Variants in THADA observed in about 807,000 individuals in gnomAD.
THADA encodes THADA armadillo repeat containing.
Under a neutral mutation model 219.8 loss-of-function variants are expected in THADA, and 213 were observed. The ratio of observed to expected loss-of-function variants is 0.97; its 90% CI spans 0.87 to 1.09. THADA has a LOEUF of 1.09. Among genes scored for constraint, THADA ranks in the 50% least tolerant of loss-of-function variants. The pLI, the probability that THADA is intolerant of heterozygous loss-of-function variation, is 0.00. For missense variants in THADA, 2,956 were observed against 2,311.3 expected, an observed-to-expected ratio of 1.28 and a Z score of -5.72; for synonymous variants, 1,018 against 828.9, an observed-to-expected ratio of 1.23 and a Z score of -3.92.
intron 31 of THADA, among the ~76,000 whole-genome samples, chr2:43,311,150 T>C (rs578011443): frequency 6.7e-4 from 101 of 151,396 alleles, no homozygotes; most frequent in African/African-American, 2.4e-3. Flanking sequence ...CACTCCAGCT[T>C]GGGCAACAAG....
At chr2:43,383,117 T>C (rs970243624) in intron 29 of THADA, among the ~76,000 whole-genome samples, 4 of 152,112 alleles carry the variant, frequency 2.6e-5, no homozygotes, top group African/African-American at 9.7e-5. Context: ...GGGACTAAAA[T>C]GGCATTAAAT....
intron 22 of THADA, among the ~76,000 whole-genome samples, chr2:43,527,262 C>G (rs568244682): frequency 2.4e-4 from 37 of 152,280 alleles, no homozygotes; most frequent in African/African-American, 8.9e-4. Context: ...TTGCCATGAA[C>G]ACTTAGTCAT....
rs768666108 is a variant in THADA, at chr2:43,570,487, A to C, written c.2088T>G (p.Ser696Arg). The C allele has an allele frequency of 6.2e-7, 1 of 1,612,042 alleles. No homozygotes were observed. The highest frequency in any genetic ancestry group is 1.1e-5 in the South Asian group (1 of 90,442). Residue 696 changes from serine to arginine, a missense_variant, in exon 14 of 38, where the codon AGT becomes AGG. Coordinates refer to ENST00000405975, the MANE Select transcript of THADA (RefSeq NM_022065.5). ...LKKLFCRIQE[S>R]SQVLYKLEQS... ...GCTCCAATTTATAAAGTACCTGAGA[A>C]CTTTCCTGTATCCTACAAAACAACT...
chr2:43,433,211 GA>G (rs34247439), intron 26 of THADA, among the ~76,000 whole-genome samples: 2,845 of 147,354 alleles, frequency 0.019, 42 homozygotes, highest in African/African-American at 0.048. Context: ...ATTTTTTTTG[GA>G]AAAAAAAAAT....
At position 43,472,623 on chromosome 2, in the gene THADA, T is replaced by C. The variant is rs546839698; in HGVS notation, c.3836+12611A>G. Among the ~76,000 whole-genome samples, 5 of 152,328 alleles carry C rather than the reference T, an allele frequency of 3.3e-5. No homozygotes were observed. In the South Asian group the frequency reaches 1.0e-3, roughly 32 times the overall value. ...CCAGTGACAATGTGTTTTTAGTACA[T>C]ATAACTTCATTTCCAAATACAGCCA... On this transcript the variant is annotated intron_variant, in intron 26 of 37. Transcript: ENST00000405975.
At position 43,570,347 on chromosome 2, in the gene THADA, AT is replaced by A. The variant is rs748404879; in HGVS notation, c.2187+40del. ...TAATGCTTATTCATAATACTTTTTA[AT>A]TTAAAAAAAAACTCTCATGTTTAGA... is the stretch of plus-strand genomic sequence containing the variant. On this transcript the variant is annotated intron_variant, in intron 14 of 37. Transcript: ENST00000405975. The A allele has an allele frequency of 3.9e-6, 6 of 1,544,068 alleles. No individual in the cohort carries two copies. The African/African-American group carries it at 8.4e-5, about 22-fold the overall frequency.
At chr2:43,291,797 C>T in intron 33 of THADA, 29 bp from the exon 34 acceptor site, 1 of 1,519,766 alleles carries the variant, frequency 6.6e-7, no homozygotes, top group East Asian at 2.5e-5. Context: ...AAAAAAACAA[C>T]ACAAAATTAC....
At chr2:43,410,285 TCTA>T (rs1186868358) in intron 28 of THADA, among the ~76,000 whole-genome samples, 1 of 152,184 alleles carries the variant, frequency 6.6e-6, no homozygotes, top group Non-Finnish European at 1.5e-5. Flanking sequence ...ATTCTCATAC[TCTA>T]CTAGTGGGAA....
At chr2:43,522,741 G>A (rs1692656382) in intron 22 of THADA, among the ~76,000 whole-genome samples, 1 of 151,960 alleles carries the variant, frequency 6.6e-6, no homozygotes, top group Non-Finnish European at 1.5e-5. Flanking sequence ...TAAAAATGCA[G>A]GAATCATTAA....
intron 30 of THADA, among the ~76,000 whole-genome samples, chr2:43,332,927 C>T (rs1369195432): frequency 2.6e-5 from 4 of 152,158 alleles, no homozygotes; most frequent in Admixed American, 2.0e-4. Flanking sequence ...TTTTATTTCT[C>T]GCTGCGGTAT....
chr2:43,364,257 AT>A (rs1412087470), intron 29 of THADA, among the ~76,000 whole-genome samples: 1 of 152,272 alleles, frequency 6.6e-6, no homozygotes, highest in South Asian at 2.1e-4. Flanking sequence ...AAATAAAAAA[AT>A]TTTAAAAGCT....
intron 22 of THADA, 130 bp downstream of exon 22, chr2:43,527,749 T>C (rs940344154): frequency 3.4e-6 from 2 of 583,282 alleles, no homozygotes; most frequent in East Asian, 5.7e-5. Flanking sequence ...AAACAATTTC[T>C]TCCAAGAGTT....
intron 36 of THADA, among the ~76,000 whole-genome samples, chr2:43,241,540 A>C (rs1668620402): frequency 6.7e-6 from 1 of 148,690 alleles, no homozygotes; most frequent in Admixed American, 6.6e-5. Context: ...ACTTACCAGC[A>C]GTGTCTGGAC....
chr2:43,498,833 T>C lies in THADA; in HGVS notation c.3744A>G (p.Ala1248=), dbSNP rs767218784. 190 of 1,611,912 alleles carry C rather than the reference T, an allele frequency of 1.2e-4. No individual in the cohort carries two copies. The highest frequency in any genetic ancestry group is 8.4e-5 in the Non-Finnish European group (99 of 1,179,338). Residue 1248 remains alanine, a splice_region_variant and synonymous_variant, in exon 25 of 38, where the codon GCA becomes GCG. Coordinates refer to ENST00000405975, the MANE Select transcript of THADA (RefSeq NM_022065.5). ...GAAAATAAATAGTGACAGCACTTAC[T>C]GCCCAGACCGGTGATGTAAAACCCA... ...AILGFTSPVW[A]VRNSSTLLFS...
At chr2:43,279,611 C>T (rs750948799) in intron 36 of THADA, among the ~76,000 whole-genome samples, 154 bp downstream of exon 36, 3 of 152,164 alleles carry the variant, frequency 2.0e-5, no homozygotes, top group Non-Finnish European at 4.4e-5. Context: ...CATTTGTTTA[C>T]CTACTGTTTG....
rs147742937 is a variant in THADA, at chr2:43,329,823, G to A, written c.4344-9283C>T. Among the ~76,000 whole-genome samples the A allele has an allele frequency of 1.3e-3, 194 of 152,364 alleles. 3 individuals are homozygous for A. The highest frequency in any genetic ancestry group is 0.01 in the Admixed American group (158 of 15,310). ...AGTCTGGTGAAAAGCAAGGCTCCAA[G>A]TGCAGCTGTTTCTGTGAGGACCAGC... is the stretch of plus-strand genomic sequence containing the variant. On this transcript the variant is annotated intron_variant, in intron 30 of 37. Transcript: ENST00000405975.
At chr2:43,479,928 T>C (rs563034144) in intron 26 of THADA, among the ~76,000 whole-genome samples, 1 of 152,354 alleles carries the variant, frequency 6.6e-6, no homozygotes, top group East Asian at 1.9e-4. Flanking sequence ...TACTCCTACC[T>C]TTCCTGCTAA....
chr2:43,271,127 C>A (rs994529243), intron 36 of THADA, among the ~76,000 whole-genome samples: 1 of 152,172 alleles, frequency 6.6e-6, no homozygotes, highest in African/African-American at 2.4e-5. Flanking sequence ...TGACAAGTAT[C>A]CACCTGCTGG....
At chr2:43,485,794 C>T (rs1439590057) in intron 25 of THADA, among the ~76,000 whole-genome samples, 1 of 151,306 alleles carries the variant, frequency 6.6e-6, no homozygotes, top group Non-Finnish European at 1.5e-5. Context: ...ACTTGGGAGG[C>T]TAAAGTGGAA....
Sources: gnomAD v4.1 joint callset for allele counts (sites outside exome capture counted in the v4.1 genomes callset) on GRCh38, gnomAD v4.1.1 for gene constraint, MANE v1.5 for transcripts, NCBI Gene and HGNC (gene_info 2026-07-23, HGNC 2026-07-21) for gene names.